KIAA1958: variants seen among roughly 807,000 people sequenced by gnomAD.
KIAA1958 encodes the protein KIAA1958.
Under a neutral mutation model 47.2 loss-of-function variants are expected in KIAA1958, and 14 were observed. That is an observed-to-expected ratio of 0.30 (90% CI 0.20 to 0.46). KIAA1958 has a LOEUF of 0.46. Ranked by LOEUF, KIAA1958 falls within the 20% of genes least tolerant of loss-of-function variation. The pLI is 1.00. For missense variants in KIAA1958, 803 were observed against 909.2 expected (o/e 0.88, Z 1.50); for synonymous variants, 354 against 353.3 (o/e 1.00, Z -0.02).
At chr9:112,543,729 A>G (rs1564166096) in intron 1 of KIAA1958, among the ~76,000 whole-genome samples, 1 of 151,864 alleles carries the variant, frequency 6.6e-6, no homozygotes. Flanking sequence ...ATGCGCCACC[A>G]TGCCTGTCTA....
intron 1 of KIAA1958, among the ~76,000 whole-genome samples, chr9:112,497,161 A>G (rs1044560001): frequency 6.6e-6 from 1 of 152,190 alleles, no homozygotes; most frequent in Non-Finnish European, 1.5e-5. Context: ...TATATTTATA[A>G]TATTACAACC....
chr9:112,583,415 A>G (rs1261353076), intron 2 of KIAA1958, among the ~76,000 whole-genome samples: 2 of 152,212 alleles, frequency 1.3e-5, no homozygotes, highest in African/African-American at 2.4e-5. Context: ...TTGGAGAGCA[A>G]TTTACAATAT....
Position 112,498,272 on chromosome 9 carries a change from T to C in KIAA1958, c.-25+11154T>C, listed in dbSNP as rs984286255. Among the ~76,000 whole-genome samples, 4 of 152,326 alleles carry C rather than the reference T, an allele frequency of 2.6e-5. No individual in the cohort carries two copies. The East Asian group carries it at 7.7e-4, about 29-fold the overall frequency. ...TTTTAGTGAAGATGTTCTTTAAACA[T>C]AGCTTAAGGAAAGGTGGCGGTTCAG... On this transcript the variant is annotated intron_variant, in intron 1 of 3. Coordinates refer to ENST00000337530, the MANE Select transcript of KIAA1958 (RefSeq NM_133465.4).
intron 1 of KIAA1958, among the ~76,000 whole-genome samples, chr9:112,529,800 T>G (rs10121738): frequency 0.95 from 145,224 of 152,128 alleles, 69,389 homozygotes; most frequent in African/African-American, 0.99. Context: ...AAGTCACTGT[T>G]TGCAGCTCAC....
At chr9:112,609,583 G>A (rs1027882193) in intron 2 of KIAA1958, among the ~76,000 whole-genome samples, 4 of 152,054 alleles carry the variant, frequency 2.6e-5, no homozygotes, top group South Asian at 2.1e-4. Context: ...ATAGGGTCTC[G>A]CTTTGTTACT....
chr9:112,529,322 T>C (rs1468258167), intron 1 of KIAA1958, among the ~76,000 whole-genome samples: 3 of 152,374 alleles, frequency 2.0e-5, no homozygotes, highest in Admixed American at 6.5e-5. Context: ...ACATCTGTTA[T>C]AATTAATGAA....
At position 112,548,522 on chromosome 9, in the gene KIAA1958, A is replaced by G. The variant is rs28754771; in HGVS notation, c.-24-25535A>G. Among the ~76,000 whole-genome samples the G allele has an allele frequency of 7.8e-3, 1,194 of 152,202 alleles. 12 individuals are homozygous for G. The highest frequency in any genetic ancestry group is 0.022 in the African/African-American group (905 of 41,528). On this transcript the variant is annotated intron_variant, in intron 1 of 3. Transcript: ENST00000337530. ...ATTTGGCTCAGAATAAATCTCTCCA[A>G]ATATTTTCCATAGTTTGACCCTTTG...
At position 112,612,473 on chromosome 9, in the gene KIAA1958, G is replaced by A. The variant is rs542842186; in HGVS notation, c.1172-33177G>A. On this transcript the variant is annotated intron_variant, in intron 2 of 3. Transcript: ENST00000337530. ...ATAAATATTCTTAAATATATCCAGA[G>A]TTCCTATAAATCAATATTTTAAAAA... is the stretch of plus-strand genomic sequence containing the variant. Among the ~76,000 whole-genome samples the A allele has an allele frequency of 2.6e-5, 4 of 152,064 alleles. No individual in the cohort carries two copies. The East Asian group carries it at 7.7e-4, about 29-fold the overall frequency.
intron 1 of KIAA1958, among the ~76,000 whole-genome samples, chr9:112,489,476 T>TG (rs1374676762): frequency 1.3e-5 from 2 of 149,072 alleles, no homozygotes; most frequent in African/African-American, 2.4e-5. Context: ...GTTTTTGTGT[T>TG]TTTTTTTTTT....
intron 2 of KIAA1958, among the ~76,000 whole-genome samples, chr9:112,639,756 C>T (rs1836863130): frequency 6.6e-6 from 1 of 152,182 alleles, no homozygotes; most frequent in Admixed American, 6.5e-5. Context: ...TATGCAGATG[C>T]CCTCCATGCC....
intron 1 of KIAA1958, among the ~76,000 whole-genome samples, chr9:112,550,097 G>A (rs1466022310): frequency 6.6e-6 from 1 of 150,842 alleles, no homozygotes; most frequent in East Asian, 1.9e-4. Context: ...AGGCTTGAGA[G>A]GTAAGCCTGG....
chr9:112,499,479 T>C (rs549810230), intron 1 of KIAA1958, among the ~76,000 whole-genome samples: 1 of 152,136 alleles, frequency 6.6e-6, no homozygotes, highest in Non-Finnish European at 1.5e-5. Flanking sequence ...AGAAATATTT[T>C]CCTTTTGAAT....
intron 1 of KIAA1958, among the ~76,000 whole-genome samples, chr9:112,512,710 TAGAGTCTAGC>T (rs1183695715): frequency 6.6e-6 from 1 of 151,486 alleles, no homozygotes; most frequent in Non-Finnish European, 1.5e-5. Flanking sequence ...ACCTGGAGCT[TAGAGTCTAGC>T]AGGGGAGACA....
At chr9:112,491,558 G>GTT (rs765102234) in intron 1 of KIAA1958, among the ~76,000 whole-genome samples, 1 of 143,700 alleles carries the variant, frequency 7.0e-6, no homozygotes, top group South Asian at 2.2e-4. Context: ...TTTTTTTTTT[G>GTT]TTTTTTTTGT....
chr9:112,622,512 GAGAT>G (rs972082682), intron 2 of KIAA1958, among the ~76,000 whole-genome samples: 5 of 152,152 alleles, frequency 3.3e-5, no homozygotes, highest in African/African-American at 9.7e-5. Flanking sequence ...AAAAAGTTAA[GAGAT>G]AGGATATTTA....
chr9:112,645,084 A>G (rs1836953481), intron 2 of KIAA1958, among the ~76,000 whole-genome samples: 1 of 151,860 alleles, frequency 6.6e-6, no homozygotes, highest in Non-Finnish European at 1.5e-5. Context: ...GCAGTGAGCC[A>G]ATATCCCACC....
intron 2 of KIAA1958, among the ~76,000 whole-genome samples, chr9:112,613,082 T>C (rs146368907): frequency 6.6e-6 from 1 of 152,132 alleles, no homozygotes; most frequent in Non-Finnish European, 1.5e-5. Flanking sequence ...ACTTGAAAAT[T>C]ATATATAATC....
intron 1 of KIAA1958, among the ~76,000 whole-genome samples, chr9:112,499,747 G>C (rs1834102626): frequency 6.9e-6 from 1 of 144,978 alleles, no homozygotes; most frequent in South Asian, 2.2e-4. Flanking sequence ...AGAGTGCAGT[G>C]GTGTGATCTC....
chr9:112,513,607 A>ACCGCAG (rs1231316395), intron 1 of KIAA1958, among the ~76,000 whole-genome samples: 1 of 131,438 alleles, frequency 7.6e-6, no homozygotes, highest in Non-Finnish European at 1.6e-5. Flanking sequence ...GCCGCGACCG[A>ACCGCAG]CCGCAGCCGC....
Sources: allele counts gnomAD v4.1 joint callset (sites outside exome capture counted in the v4.1 genomes callset), GRCh38; gene constraint gnomAD v4.1.1; transcripts MANE v1.5; gene names NCBI Gene and HGNC (gene_info 2026-07-23, HGNC 2026-07-21).